Variants in CEP128 observed in about 807,000 individuals in gnomAD.
The protein encoded by CEP128 is centrosomal protein 128, also known as centrosomal protein 128kDa.
A neutral mutation model predicts 156.7 loss-of-function variants in CEP128; 132 were observed. The ratio of observed to expected loss-of-function variants is 0.84; its 90% CI spans 0.73 to 0.97. The LOEUF (loss-of-function observed/expected upper bound fraction) is 0.97, where lower values mean the gene tolerates loss of function less well. Ranked by LOEUF, CEP128 falls within the 50% of genes least tolerant of loss-of-function variation. The pLI, the probability that CEP128 is intolerant of heterozygous loss-of-function variation, is 0.00. For missense variants in CEP128, 1,252 were observed against 1,281.9 expected (o/e 0.98, Z 0.36); for synonymous variants, 469 against 448.9 (o/e 1.04, Z -0.57).
intron 9 of CEP128, among the ~76,000 whole-genome samples, chr14:80,860,632 A>G (rs975926211): frequency 1.3e-4 from 20 of 152,094 alleles, no homozygotes; most frequent in African/African-American, 3.9e-4. Flanking sequence ...TAAAAAAAAA[A>G]AGCTTACCCA....
downstream of CEP128, among the ~76,000 whole-genome samples, chr14:80,487,330 C>T (rs1205689979): frequency 2.0e-5 from 3 of 152,144 alleles, no homozygotes; most frequent in Admixed American, 6.5e-5. Context: ...AGCTAACTAT[C>T]CTAAATATAT....
intron 4 of CEP128, among the ~76,000 whole-genome samples, chr14:80,912,210 C>T (rs35765671): frequency 0.1 from 14,864 of 146,478 alleles, 1,241 homozygotes; most frequent in East Asian, 0.44. Context: ...AGCGAGACTC[C>T]ACCTCAAAAA....
chr14:80,558,998 A>G (rs2122424), intron 21 of CEP128, among the ~76,000 whole-genome samples: 86,381 of 152,010 alleles, frequency 0.57, 24,899 homozygotes, highest in East Asian at 0.72. Flanking sequence ...CCAAGTATTG[A>G]CTATATTTAA....
intron 8 of CEP128, among the ~76,000 whole-genome samples, chr14:80,871,055 T>A (rs888533897): frequency 1.4e-5 from 2 of 148,140 alleles, no homozygotes; most frequent in East Asian, 4.0e-4. Flanking sequence ...ATAAAAAAAA[T>A]TAAAGAAAGA....
At chr14:80,597,916 C>G (rs1044802987) in intron 19 of CEP128, among the ~76,000 whole-genome samples, 1 of 59,072 alleles carries the variant, frequency 1.7e-5, no homozygotes, top group South Asian at 4.9e-4. Context: ...AAAATAAACT[C>G]AGAAAAAGGA....
chr14:80,494,837 A>G (rs1034554361), downstream of CEP128, among the ~76,000 whole-genome samples: 4 of 152,208 alleles, frequency 2.6e-5, no homozygotes, highest in African/African-American at 7.2e-5. Flanking sequence ...AACTATAACA[A>G]TAAGAAAAGT....
intron 19 of CEP128, among the ~76,000 whole-genome samples, chr14:80,648,033 T>C (rs1485214543): frequency 1.3e-5 from 2 of 152,116 alleles, no homozygotes; most frequent in African/African-American, 2.4e-5. Flanking sequence ...AATAAGCACA[T>C]TGTCATAACC....
intron 19 of CEP128, among the ~76,000 whole-genome samples, chr14:80,677,802 A>C (rs949640305): frequency 4.5e-4 from 69 of 152,018 alleles, no homozygotes; most frequent in African/African-American, 1.7e-3. Flanking sequence ...AAAAACCTTA[A>C]TTGTAATTGG....
rs557841431 is a variant in CEP128, at chr14:80,876,313, T to A, written c.646-13440A>T. Among the ~76,000 whole-genome samples, 5 of 151,776 alleles carry A rather than the reference T, an allele frequency of 3.3e-5. No individual in the cohort carries two copies. In the South Asian group the frequency reaches 1.0e-3, roughly 32 times the overall value. Reference sequence around the variant, plus strand: ...TCTATTACACCTTAAAAAAAAAGCATCAGGCCGGGCGCAGTGGCTCATGCC... The same window carrying A: ...TCTATTACACCTTAAAAAAAAAGCAACAGGCCGGGCGCAGTGGCTCATGCC... On this transcript the variant is annotated intron_variant, in intron 8 of 24. Coordinates refer to ENST00000555265, the MANE Select transcript of CEP128 (RefSeq NM_152446.5).
At chr14:80,746,370 G>A (rs1899100351) in intron 18 of CEP128, among the ~76,000 whole-genome samples, 1 of 152,138 alleles carries the variant, frequency 6.6e-6, no homozygotes, top group Admixed American at 6.5e-5. Flanking sequence ...AAGATGGTGT[G>A]GTATTGGCAT....
chr14:80,771,254 C>T (rs1900496190), intron 16 of CEP128, among the ~76,000 whole-genome samples: 1 of 152,028 alleles, frequency 6.6e-6, no homozygotes, highest in Non-Finnish European at 1.5e-5. Flanking sequence ...AAATTCAATG[C>T]TAAGAGTTCA....
At chr14:80,771,220 G>C (rs1438271329) in intron 16 of CEP128, among the ~76,000 whole-genome samples, 1 of 152,102 alleles carries the variant, frequency 6.6e-6, no homozygotes, top group African/African-American at 2.4e-5. Context: ...ATGGTAATTT[G>C]TTGAATGCAA....
intron 2 of CEP128, among the ~76,000 whole-genome samples, chr14:80,925,279 AG>A (rs1487452938): frequency 6.6e-6 from 1 of 152,146 alleles, no homozygotes; most frequent in Admixed American, 6.5e-5. Flanking sequence ...GTAGAACCAA[AG>A]AAAACCCCGC....
At chr14:80,869,057 T>C (rs1229480623) in intron 8 of CEP128, among the ~76,000 whole-genome samples, 1 of 151,982 alleles carries the variant, frequency 6.6e-6, no homozygotes, top group East Asian at 1.9e-4. Context: ...TTGTGGACAA[T>C]GGACATATCA....
At chr14:80,482,679 C>T (rs773409920) in intron 14 of CEP128, among the ~76,000 whole-genome samples, 22 of 152,150 alleles carry the variant, frequency 1.4e-4, no homozygotes, top group Non-Finnish European at 2.8e-4. Flanking sequence ...CTGAAAAAGC[C>T]GAACCTTGGG....
At chr14:80,846,888 CTTTTG>C (rs1327487975) in intron 9 of CEP128, among the ~76,000 whole-genome samples, 1 of 152,146 alleles carries the variant, frequency 6.6e-6, no homozygotes, top group Admixed American at 6.6e-5. Flanking sequence ...AAACTTTCAA[CTTTTG>C]TTTTATCATT....
chr14:80,826,907 G>C (rs866979351), intron 13 of CEP128, among the ~76,000 whole-genome samples: 33 of 152,112 alleles, frequency 2.2e-4, no homozygotes, highest in African/African-American at 7.7e-4. Context: ...ATACAAATAG[G>C]CTATCAAGGT....
upstream of CEP128, among the ~76,000 whole-genome samples, chr14:80,943,111 CTG>C (rs1250822754): frequency 5.9e-5 from 9 of 152,210 alleles, no homozygotes; most frequent in Non-Finnish European, 1.2e-4. Context: ...ATAATAATAA[CTG>C]TTTATTTGTA....
Position 80,507,802 on chromosome 14 carries a change from T to A in CEP128, c.3073-2782A>T, listed in dbSNP as rs540361584. ...GGAAGGATGAATTAAACAAAGATAT[T>A]TAAATACTATTCATTCTTCCTAAAA... On this transcript the variant is annotated intron_variant, in intron 23 of 24. Transcript: ENST00000555265. Among the ~76,000 whole-genome samples the A allele has an allele frequency of 5.9e-5, 9 of 152,300 alleles. No individual in the cohort carries two copies. In the South Asian group the frequency reaches 1.9e-3, roughly 32 times the overall value.
Sources: gnomAD v4.1 joint callset for allele counts (sites outside exome capture counted in the v4.1 genomes callset) on GRCh38, gnomAD v4.1.1 for gene constraint, MANE v1.5 for transcripts, NCBI Gene and HGNC (gene_info 2026-07-23, HGNC 2026-07-21) for gene names.